The following BMPR2 variants were observed in gnomAD, a reference collection of about 807,000 sequenced individuals.
BMPR2 encodes the protein bone morphogenetic protein receptor type 2.
In BMPR2, 29 loss-of-function variants were observed where a neutral mutation model predicts 100.8. That is an observed-to-expected ratio of 0.29 (90% CI 0.21 to 0.39). BMPR2 has a LOEUF of 0.39. Among genes scored for constraint, BMPR2 ranks in the 10% least tolerant of loss-of-function variants. The probability of loss-of-function intolerance (pLI) is 1.00; values close to 1 mark genes in which losing one functional copy is unlikely to be tolerated. For synonymous variants in BMPR2, 382 were observed against 442.3 expected, an observed-to-expected ratio of 0.86 and a Z score of 1.71; for missense variants, 1,011 against 1,274.5, an observed-to-expected ratio of 0.79 and a Z score of 3.15.
Position 202,444,903 on chromosome 2 carries a change from C to T in BMPR2, c.77-19906C>T, listed in dbSNP as rs1194857120. 3.3e-5 allele frequency among the ~76,000 whole-genome samples: 5 copies of T among 150,630 alleles called. 1 individual carries two copies. The highest frequency in any genetic ancestry group is 1.3e-4 in the Admixed American group (2 of 15,230). On this transcript the variant is annotated intron_variant, in intron 1 of 12. Transcript: ENST00000374580. ...TCCCGGGTTCAAGCAATTCTCGTGC[C>T]TCAGCCTCCCAAGTAGCTGGGATTA...
At chr2:202,534,935 C>A (rs377183184) in intron 9 of BMPR2, among the ~76,000 whole-genome samples, 10,324 of 114,852 alleles carry the variant, frequency 0.09, 986 homozygotes, top group Non-Finnish European at 0.13. Flanking sequence ...GACGGGGCGG[C>A]TGGCCGGGCG....
At chr2:202,377,576 CG>C (rs1690177952) in intron 1 of BMPR2, 26 bp downstream of exon 1, 1 of 1,612,896 alleles carries the variant, frequency 6.2e-7, no homozygotes, top group African/African-American at 1.3e-5. Flanking sequence ...CGGCACGTCC[CG>C]GCCACTGCCC....
At chr2:202,384,901 T>G (rs1449803072) in intron 1 of BMPR2, among the ~76,000 whole-genome samples, 1 of 152,026 alleles carries the variant, frequency 6.6e-6, no homozygotes, top group African/African-American at 2.4e-5. Context: ...CCAAGAAATT[T>G]CAGTTTCTTA....
intron 6 of BMPR2, among the ~76,000 whole-genome samples, 200 bp from the exon 7 acceptor site, chr2:202,519,887 C>A (rs1687789875): frequency 6.6e-6 from 1 of 151,664 alleles, no homozygotes; most frequent in Non-Finnish European, 1.5e-5. Context: ...GTTTAAATTC[C>A]CCTTTCCATC....
chr2:202,507,626 C>T (rs1293362658), intron 3 of BMPR2, among the ~76,000 whole-genome samples: 7 of 151,874 alleles, frequency 4.6e-5, no homozygotes, highest in Non-Finnish European at 1.0e-4. Context: ...TGGCCTAAAG[C>T]GGTTCTCCCA....
chr2:202,392,073 CTT>C (rs771003835), intron 1 of BMPR2, among the ~76,000 whole-genome samples: 35 of 135,492 alleles, frequency 2.6e-4, no homozygotes, highest in Non-Finnish European at 2.4e-4. Context: ...AGTCTACACT[CTT>C]TTTTTTTTTT....
At chr2:202,416,747 G>A in intron 1 of BMPR2, among the ~76,000 whole-genome samples, 1 of 151,934 alleles carries the variant, frequency 6.6e-6, no homozygotes, top group East Asian at 1.9e-4. Flanking sequence ...TTATGGATGA[G>A]CAAAGAAAGT....
At position 202,513,878 on chromosome 2, in the gene BMPR2, A is replaced by T. The variant is rs188557840; in HGVS notation, c.529+49A>T. 5 of 1,406,214 alleles carry T rather than the reference A, an allele frequency of 3.6e-6. No homozygotes were observed. The Admixed American group carries it at 6.9e-5, about 20-fold the overall frequency. 87.1% of individuals were successfully genotyped at this position (1,406,214 alleles called of 1,614,324 possible). A position where few individuals can be genotyped will look rare whatever the true frequency, so the allele number is the denominator to read the frequency against. ...TATTGTTTATTAAACATGCAATTTA[A>T]TCAATTTATTTGCTCCTTTTAAATT... On this transcript the variant is annotated intron_variant, in intron 4 of 12. Coordinates refer to ENST00000374580, the MANE Select transcript of BMPR2 (RefSeq NM_001204.7).
chr2:202,478,426 G>C (rs1692591634), intron 3 of BMPR2, among the ~76,000 whole-genome samples: 1 of 152,164 alleles, frequency 6.6e-6, no homozygotes, highest in Admixed American at 6.6e-5. Context: ...ATTTGGAATG[G>C]GTTGACAGAA....
intron 3 of BMPR2, among the ~76,000 whole-genome samples, chr2:202,480,816 G>A (rs997946332): frequency 1.3e-5 from 2 of 151,728 alleles, no homozygotes; most frequent in African/African-American, 4.8e-5. Context: ...TTAGCCAGGC[G>A]TGGTGGCATG....
intron 1 of BMPR2, among the ~76,000 whole-genome samples, chr2:202,409,584 C>G (rs1046837049): frequency 1.3e-5 from 2 of 152,042 alleles, no homozygotes; most frequent in South Asian, 2.1e-4. Context: ...ACAAAAATGA[C>G]AGACATATGA....
chr2:202,402,324 C>G (rs1690781943), intron 1 of BMPR2, among the ~76,000 whole-genome samples: 1 of 151,918 alleles, frequency 6.6e-6, no homozygotes, highest in Non-Finnish European at 1.5e-5. Flanking sequence ...CAAGACCAGC[C>G]TGACCAACAT....
At chr2:202,552,586 A>T in intron 10 of BMPR2, 130 bp from the exon 11 acceptor site, 1 of 904,624 alleles carries the variant, frequency 1.1e-6, no homozygotes, top group Non-Finnish European at 1.7e-6. Flanking sequence ...AGCCTAAAAT[A>T]TGTTATTAGA....
At chr2:202,551,627 G>A (rs761299296) in intron 10 of BMPR2, among the ~76,000 whole-genome samples, 12 of 152,212 alleles carry the variant, frequency 7.9e-5, no homozygotes, top group Non-Finnish European at 1.2e-4. Flanking sequence ...GAATGGGACT[G>A]TTTTTGATAC....
chr2:202,535,115 G>A (rs1186267161), intron 9 of BMPR2, among the ~76,000 whole-genome samples: 1 of 144,308 alleles, frequency 6.9e-6, no homozygotes, highest in Admixed American at 6.8e-5. Context: ...CGGACGGGGC[G>A]GCTGGCCGGG....
intron 3 of BMPR2, among the ~76,000 whole-genome samples, chr2:202,472,656 A>G (rs1222857928): frequency 6.6e-6 from 1 of 152,198 alleles, no homozygotes; most frequent in East Asian, 1.9e-4. Flanking sequence ...CTCCGTCTCA[A>G]AAAGAAAAAG....
intron 1 of BMPR2, among the ~76,000 whole-genome samples, chr2:202,438,171 G>A (rs568352755): frequency 6.7e-6 from 1 of 150,216 alleles, no homozygotes; most frequent in Non-Finnish European, 1.5e-5. Flanking sequence ...AAATTAGCCA[G>A]GCATGGTGGC....
chr2:202,533,362 A>G (rs1023816774), intron 9 of BMPR2, among the ~76,000 whole-genome samples: 10 of 150,628 alleles, frequency 6.6e-5, no homozygotes, highest in African/African-American at 2.4e-4. Context: ...GACCAACCTG[A>G]CCAATATGGT....
intron 10 of BMPR2, among the ~76,000 whole-genome samples, chr2:202,546,582 A>G (rs1248529469): frequency 6.6e-6 from 1 of 152,146 alleles, no homozygotes; most frequent in Non-Finnish European, 1.5e-5. Context: ...TAACAATCAC[A>G]TACACATGGT....
Sources: gnomAD v4.1 joint callset for allele counts (sites outside exome capture counted in the v4.1 genomes callset) on GRCh38, gnomAD v4.1.1 for gene constraint, MANE v1.5 for transcripts, NCBI Gene and HGNC (gene_info 2026-07-23, HGNC 2026-07-21) for gene names.